The following HMCN1 variants were observed in gnomAD, a reference collection of about 807,000 sequenced individuals.
HMCN1 encodes hemicentin 1, also known as hemicentin-1.
A neutral mutation model predicts 625.9 loss-of-function variants in HMCN1; 321 were observed. That is an observed-to-expected ratio of 0.51 (90% CI 0.47 to 0.56). The LOEUF (loss-of-function observed/expected upper bound fraction) is 0.56. Ranked by LOEUF, HMCN1 falls within the 20% of genes least tolerant of loss-of-function variation. HMCN1 has a pLI of 0.00. For missense variants in HMCN1, 6,588 were observed against 6,887.3 expected (o/e 0.96, Z 1.54); for synonymous variants, 2,425 against 2,417.6 (o/e 1.00, Z -0.09).
chr1:185,810,127 T>A (rs1047612068), intron 1 of HMCN1, among the ~76,000 whole-genome samples: 1 of 152,134 alleles, frequency 6.6e-6, no homozygotes, highest in Non-Finnish European at 1.5e-5. Flanking sequence ...CAAACTTTAT[T>A]TAAGCCTTCA....
chr1:186,174,119 CAAAG>C (rs1250813848), intron 102 of HMCN1, among the ~76,000 whole-genome samples: 3 of 152,010 alleles, frequency 2.0e-5, no homozygotes, highest in Non-Finnish European at 4.4e-5. Flanking sequence ...AGTGGTAAAA[CAAAG>C]AGAGATGGGG....
intron 15 of HMCN1, among the ~76,000 whole-genome samples, chr1:185,976,088 T>C (rs935617376): frequency 1.3e-5 from 2 of 152,060 alleles, no homozygotes; most frequent in African/African-American, 4.8e-5. Context: ...TAACAACAGG[T>C]TGAATGTGGT....
Position 185,840,251 on chromosome 1 carries a change from G to A in HMCN1, c.269-5775G>A, listed in dbSNP as rs912772110. ...AGATATAATAATCTGATTTTTTGCA[G>A]TATCCTAAAGCAGAAAACATAATTT... On this transcript the variant is annotated intron_variant, in intron 1 of 106. Coordinates refer to ENST00000271588, the MANE Select transcript of HMCN1 (RefSeq NM_031935.3). Among the ~76,000 whole-genome samples the A allele has an allele frequency of 2.0e-5, 3 of 152,110 alleles. No individual in the cohort carries two copies. The East Asian group carries it at 5.8e-4, about 29-fold the overall frequency.
intron 16 of HMCN1, among the ~76,000 whole-genome samples, chr1:185,979,320 G>A (rs920207730): frequency 1.2e-4 from 18 of 152,198 alleles, no homozygotes; most frequent in African/African-American, 3.1e-4. Context: ...GAACAACACC[G>A]CTACAAGATA....
chr1:185,893,348 TA>T (rs1350724716), intron 4 of HMCN1, among the ~76,000 whole-genome samples: 1 of 152,210 alleles, frequency 6.6e-6, no homozygotes, highest in Admixed American at 6.5e-5. Context: ...TGGGGAGACT[TA>T]AAAGCCTGAA....
chr1:186,158,926 T>C (rs560209300), intron 97 of HMCN1, among the ~76,000 whole-genome samples: 1 of 152,342 alleles, frequency 6.6e-6, no homozygotes, highest in African/African-American at 2.4e-5. Flanking sequence ...CAGGCTCTTT[T>C]TTGGTTCCAT....
chr1:185,773,487 T>C (rs1486666997), intron 1 of HMCN1, among the ~76,000 whole-genome samples: 1 of 152,206 alleles, frequency 6.6e-6, no homozygotes, highest in East Asian at 1.9e-4. Context: ...ACATGACATG[T>C]AGAATTGTTG....
chr1:186,027,316 A>G (rs1002951777), intron 36 of HMCN1, among the ~76,000 whole-genome samples: 1 of 152,226 alleles, frequency 6.6e-6, no homozygotes, highest in Non-Finnish European at 1.5e-5. Context: ...AGACCAAACT[A>G]TGAAATTACA....
At chr1:185,805,507 T>C (rs1440719714) in intron 1 of HMCN1, among the ~76,000 whole-genome samples, 1 of 152,186 alleles carries the variant, frequency 6.6e-6, no homozygotes, top group Non-Finnish European at 1.5e-5. Flanking sequence ...ACTTCTGAGC[T>C]TTATGGGAAT....
At chr1:186,082,090 G>A (rs1248237172) in intron 56 of HMCN1, among the ~76,000 whole-genome samples, 1 of 151,990 alleles carries the variant, frequency 6.6e-6, no homozygotes, top group Non-Finnish European at 1.5e-5. Context: ...TCTAAATATT[G>A]TGACTATTTC....
intron 1 of HMCN1, among the ~76,000 whole-genome samples, chr1:185,738,523 C>A (rs1229497797): frequency 6.6e-6 from 1 of 152,120 alleles, no homozygotes; most frequent in African/African-American, 2.4e-5. Flanking sequence ...AATAATATTC[C>A]ATTGTATGAT....
At chr1:185,963,921 A>G (rs1571627457) in intron 13 of HMCN1, 26 bp downstream of exon 13, 2 of 1,596,468 alleles carry the variant, frequency 1.3e-6, no homozygotes, top group Non-Finnish European at 1.7e-6. Context: ...TTAAAAGGCA[A>G]TTAAAATAGG....
chr1:186,137,623 G>A lies in HMCN1; in HGVS notation c.13708G>A (p.Gly4570Ser), dbSNP rs1308029939. 6.2e-7 allele frequency: 1 copy of A among 1,613,898 alleles called. No individual in the cohort carries two copies. Among genetic ancestry groups the A allele is most frequent in the African/African-American group, 1.3e-5 (1 of 74,908 alleles). ...AGCCAATGGTGGGAAGCCCTGCCAAGGTTCAGATTTGGAAATGCGAAACTG... is the reference window on the plus strand; with the variant it reads ...AGCCAATGGTGGGAAGCCCTGCCAAAGTTCAGATTTGGAAATGCGAAACTG... The part of the protein sequence containing the change: ...LPANGGKPCQ[G>S]SDLEMRNCQN... Residue 4570 changes from glycine (G) to serine (S), a missense_variant, in exon 88 of 107, where the codon GGT becomes AGT. Physicochemically the swap from Gly to Ser is moderately conservative, Grantham distance 56. This residue lies in a region of HMCN1 where 1,954 missense variants were observed against 2,013.1 expected (regional missense o/e 0.97). Coordinates refer to ENST00000271588, the MANE Select transcript of HMCN1 (RefSeq NM_031935.3).
rs553839895 is a variant in HMCN1 at position 185,894,302 on chromosome 1, C to T, written c.622-15035C>T. Reference sequence around the variant, plus strand: ...CAACATTAAGTTTGTGAGATTCAGCCACATCATTGCATATAGTTGTAGATG... The same window carrying T: ...CAACATTAAGTTTGTGAGATTCAGCTACATCATTGCATATAGTTGTAGATG... On this transcript the variant is annotated intron_variant, in intron 4 of 106. Coordinates refer to ENST00000271588, the MANE Select transcript of HMCN1 (RefSeq NM_031935.3). Among the ~76,000 whole-genome samples, 28 of 134,960 alleles carry T rather than the reference C, an allele frequency of 2.1e-4. No homozygotes were observed. The South Asian group carries it at 5.8e-3, about 28-fold the overall frequency. The allele number at this position is 134,960 out of a possible 152,430, so 88.5% of individuals were successfully genotyped here.
chr1:186,011,336 G>A (rs371847529), intron 30 of HMCN1, among the ~76,000 whole-genome samples: 20 of 152,270 alleles, frequency 1.3e-4, no homozygotes, highest in Admixed American at 9.8e-4. Flanking sequence ...GAGCCATCGC[G>A]CCCAGCCTAC....
Position 185,933,616 on chromosome 1 carries a change from A to C in HMCN1, c.1620A>C (p.Thr540=). The C allele has an allele frequency of 1.9e-6, 3 of 1,613,982 alleles. No homozygotes were observed. The highest frequency in any genetic ancestry group is 2.5e-6 in the Non-Finnish European group (3 of 1,179,908). The change falls in exon 11 of 107, where the codon ACA becomes ACC. Residue 540 remains threonine (T), a synonymous_variant. Transcript: ENST00000271588. ...CTCCTGGAGAGAGAGCAGTTTTAAC[A>C]TGTCTCATCATCAGTGCGGTGGATT... ...TVTPGERAVL[T]CLIISAVDYN...
chr1:186,086,245 G>A lies in HMCN1; in HGVS notation c.8885-1G>A. 1 of 1,608,858 alleles carries A rather than the reference G, an allele frequency of 6.2e-7. No individual in the cohort carries two copies. Among genetic ancestry groups the A allele is most frequent in the Non-Finnish European group, 8.5e-7 (1 of 1,175,650 alleles). On this transcript the variant is annotated splice_acceptor_variant, in intron 57 of 106. Coordinates refer to ENST00000271588, the MANE Select transcript of HMCN1 (RefSeq NM_031935.3). LOFTEE classifies it high-confidence loss of function. ...CACTTTTAATATATTTACTATTATA[G>A]TTCCTCCAAGTGTCATTGGTCCTAA...
intron 18 of HMCN1, among the ~76,000 whole-genome samples, chr1:185,983,710 C>T (rs964025074): frequency 6.6e-6 from 1 of 152,176 alleles, no homozygotes; most frequent in Admixed American, 6.6e-5. Flanking sequence ...TGTTACCTAA[C>T]AAGGGTGGGT....
chr1:185,982,200 G>A (rs1239233025), intron 17 of HMCN1, 62 bp from the exon 18 acceptor site: 4 of 1,557,776 alleles, frequency 2.6e-6, no homozygotes, highest in Admixed American at 3.3e-5. Flanking sequence ...GGCCTGTGAA[G>A]TGGCTTACCT....
Sources: gnomAD v4.1 joint callset for allele counts (sites outside exome capture counted in the v4.1 genomes callset) on GRCh38, gnomAD v4.1.1 for gene constraint, gnomAD v4.1.1 regional missense constraint, MANE v1.5 for transcripts, NCBI Gene and HGNC (gene_info 2026-07-23, HGNC 2026-07-21) for gene names.